Variants in BAHCC1 observed in about 807,000 individuals in gnomAD.
BAHCC1 encodes BAH and coiled-coil domain-containing protein 1.
A neutral mutation model predicts 88.2 loss-of-function variants in BAHCC1; 43 were observed. That is an observed-to-expected ratio of 0.49 (90% CI 0.38 to 0.63). The LOEUF is 0.63. Ranked by LOEUF, BAHCC1 falls within the 20% of genes least tolerant of loss-of-function variation. The probability of loss-of-function intolerance (pLI) is 0.00; values close to 1 mark genes in which losing one functional copy is unlikely to be tolerated. For missense variants in BAHCC1, 3,023 were observed against 1,654.8 expected (o/e 1.83, Z -14.34); for synonymous variants, 1,510 against 745.5 (o/e 2.03, Z -16.71).
chr17:81,420,888 G>A (rs1384695174), intron 2 of BAHCC1, among the ~76,000 whole-genome samples: 1 of 152,262 alleles, frequency 6.6e-6, no homozygotes, highest in African/African-American at 2.4e-5. Context: ...CTCTGTGTGG[G>A]GCCAGGGTGC....
intron 3 of BAHCC1, among the ~76,000 whole-genome samples, chr17:81,432,586 T>TC (rs2064275498): frequency 5.9e-5 from 1 of 17,000 alleles, no homozygotes; most frequent in Admixed American, 5.4e-4. Context: ...CACCCTCCCC[T>TC]CCAGCCCTGG....
chr17:81,416,670 G>C (rs1325566994), intron 2 of BAHCC1, among the ~76,000 whole-genome samples: 1 of 152,214 alleles, frequency 6.6e-6, no homozygotes, highest in Non-Finnish European at 1.5e-5. Flanking sequence ...GGATGGGTGA[G>C]CACACAGGAG....
rs1240269422 is a variant in BAHCC1, at chr17:81,441,970, C to A, written c.621C>A (p.Ser207=). Residue 207 remains serine (S), a synonymous_variant, in exon 5 of 28, where the codon TCC becomes TCA. Transcript: ENST00000675386. Reference sequence around the variant, plus strand: ...ATCGAGACCGGGGTGAGGCAGGCTCCCTGCAGAAGGGCCCCAAGGACTTCG... The same window carrying A: ...ATCGAGACCGGGGTGAGGCAGGCTCACTGCAGAAGGGCCCCAAGGACTTCG... The part of the protein sequence containing the change: ...SRDRDRGEAG[S]LQKGPKDFDR... The A allele has an allele frequency of 1.3e-6, 1 of 752,170 alleles. No individual in the cohort carries two copies. The highest frequency in any genetic ancestry group is 2.5e-6 in the Non-Finnish European group (1 of 399,192). The allele number at this position is 752,170 out of a possible 1,614,324, so 46.6% of individuals were successfully genotyped here. A position where few individuals can be genotyped will look rare whatever the true frequency, so the allele number is the denominator to read the frequency against.
rs2064214798 is a variant in BAHCC1, at chr17:81,427,550, C to G, written c.358+571C>G. On this transcript the variant is annotated intron_variant, in intron 3 of 27. Coordinates refer to ENST00000675386, the MANE Select transcript of BAHCC1 (RefSeq NM_001377448.1). ...CAGGCTGCCTGGCCAGCAGGAGACT[C>G]CTGGAGGCCCCCCTGGCCTTTCCGT... is the stretch of plus-strand genomic sequence containing the variant. Among the ~76,000 whole-genome samples the G allele has an allele frequency of 2.0e-5, 3 of 152,178 alleles. No individual in the cohort carries two copies. In the South Asian group the frequency reaches 6.2e-4, roughly 31 times the overall value.
At chr17:81,403,835 G>T (rs781095783) in intron 2 of BAHCC1, among the ~76,000 whole-genome samples, 11 of 152,140 alleles carry the variant, frequency 7.2e-5, no homozygotes, top group Non-Finnish European at 1.2e-4. Context: ...CGCGTGGACC[G>T]GCGGCGGTGG....
chr17:81,445,313 G>A (rs1555654005), intron 9 of BAHCC1, 41 bp from the exon 10 acceptor site: 2 of 746,076 alleles, frequency 2.7e-6, no homozygotes, highest in South Asian at 2.9e-5. Flanking sequence ...CTGGGGTCAG[G>A]GGATCCTGAG....
chr17:81,415,604 C>T (rs2064010490), intron 2 of BAHCC1: 2 of 507,160 alleles, frequency 3.9e-6, no homozygotes, highest in Non-Finnish European at 7.9e-6. Flanking sequence ...ACAGCCTGAG[C>T]CAACCTCGTT....
At chr17:81,440,798 C>T (rs2064401150) in intron 4 of BAHCC1, among the ~76,000 whole-genome samples, 1 of 152,148 alleles carries the variant, frequency 6.6e-6, no homozygotes, top group Admixed American at 6.5e-5. Context: ...TGCTCTCTGC[C>T]CCCGGAGCCA....
intron 10 of BAHCC1, 159 bp from the exon 11 acceptor site, chr17:81,446,877 C>T (rs899387015): frequency 9.0e-6 from 6 of 668,940 alleles, no homozygotes; most frequent in Admixed American, 2.1e-5. Context: ...ATTAACGTAA[C>T]CCTTTCCCCG....
At chr17:81,397,219 G>A (rs1479326763) in intron 1 of BAHCC1, 1 of 152,150 alleles carries the variant, frequency 6.6e-6, no homozygotes, top group Non-Finnish European at 1.5e-5. Context: ...GCAGGCGACA[G>A]TAATCCACCT....
At position 81,444,386 on chromosome 17, in the gene BAHCC1, G is replaced by A. The variant is rs868925903; in HGVS notation, c.2330G>A (p.Ser777Asn). 2.7e-6 allele frequency: 2 copies of A among 738,084 alleles called. No individual in the cohort carries two copies. The highest frequency in any genetic ancestry group is 5.2e-5 in the East Asian group (2 of 38,638). 45.7% of individuals were successfully genotyped at this position (738,084 alleles called of 1,614,324 possible). Residue 777 changes from serine (S) to asparagine (N), a missense_variant, in exon 7 of 28, where the codon AGC becomes AAC. Coordinates refer to ENST00000675386, the MANE Select transcript of BAHCC1 (RefSeq NM_001377448.1). The part of the protein sequence containing the change: ...LASRELLLQD[S>N]KDRVEFARIH... ...CTGAGCCCCAGGTCTTACAGGGACA[G>A]CAAAGACCGCGTAGAGTTCGCCCGG... is the stretch of plus-strand genomic sequence containing the variant.
chr17:81,397,934 C>A (rs553636220), intron 1 of BAHCC1, among the ~76,000 whole-genome samples: 1 of 152,234 alleles, frequency 6.6e-6, no homozygotes, highest in African/African-American at 2.4e-5. Flanking sequence ...TCACTTAATA[C>A]ATTATGTTTT....
At position 81,440,421 on chromosome 17, in the gene BAHCC1, C is replaced by T. The variant is rs578068653; in HGVS notation, c.482-1410C>T. 5.3e-5 allele frequency among the ~76,000 whole-genome samples: 8 copies of T among 152,362 alleles called. No individual in the cohort carries two copies. The East Asian group carries it at 5.8e-4, about 11-fold the overall frequency. On this transcript the variant is annotated intron_variant, in intron 4 of 27. Coordinates refer to ENST00000675386, the MANE Select transcript of BAHCC1 (RefSeq NM_001377448.1). ...GGTTTCGCTGGGGCTAGCCCCTTCC[C>T]GCTCCCCTTCCCCCTTGTTTCTAAT...
intron 2 of BAHCC1, among the ~76,000 whole-genome samples, chr17:81,414,986 GC>G (rs1568000151): frequency 6.6e-6 from 1 of 152,172 alleles, no homozygotes; most frequent in African/African-American, 2.4e-5. Context: ...GCTGTTACCC[GC>G]CCCGGCGTAC....
rs2064320772 is a variant in BAHCC1 at position 81,435,325 on chromosome 17, G to C, written c.359-3045G>C. 1 of 413,068 alleles carries C rather than the reference G, an allele frequency of 2.4e-6. No individual in the cohort carries two copies. Among genetic ancestry groups the C allele is most frequent in the Non-Finnish European group, 4.9e-6 (1 of 202,966 alleles). 25.6% of individuals were successfully genotyped at this position (413,068 alleles called of 1,614,324 possible). A position where few individuals can be genotyped will look rare whatever the true frequency, so the allele number is the denominator to read the frequency against. On this transcript the variant is annotated intron_variant, in intron 3 of 27. Transcript: ENST00000675386. This position sits in a 1 kb window ranked among gnomAD's most constrained non-coding sequence, Gnocchi z 4.4. ...TTTGAGCCTCTGTCTCCTGCAGTCT[G>C]TCCCATCACAGGACTGAGTTTGGAG...
In BAHCC1 at chr17:81,444,761, A is replaced by C. The variant is rs782617250; in HGVS notation, c.2606A>C (p.Asp869Ala). ...CCCTCTGTCTTCCCCCTCCCACAGGACGCCCCCACACAGCTGGTCATCCTG... is the reference window on the plus strand; with the variant it reads ...CCCTCTGTCTTCCCCCTCCCACAGGCCGCCCCCACACAGCTGGTCATCCTG... Reference protein sequence around the residue: ...PVPSVFPLPQDAPTQLVILPS... With the variant: ...PVPSVFPLPQAAPTQLVILPS... The change falls in exon 8 of 28, where the codon GAC (aspartate) becomes GCC (alanine). Residue 869 changes from aspartate to alanine, a missense_variant. Transcript: ENST00000675386. 1.3e-6 allele frequency: 1 copy of C among 778,286 alleles called. No homozygotes were observed. The highest frequency in any genetic ancestry group is 1.3e-5 in the South Asian group (1 of 74,550). 48.2% of individuals were successfully genotyped at this position (778,286 alleles called of 1,614,324 possible). A position where few individuals can be genotyped will look rare whatever the true frequency, so the allele number is the denominator to read the frequency against.
At position 81,463,634 on chromosome 17, in the gene BAHCC1, C is replaced by G; in HGVS notation, c.7644C>G (p.His2548Gln). ...AGAATGCGCTGTACCAGTCCTGCCACGAGGATGAGAACGACGTGCAGACCA... is the reference window on the plus strand; with the variant it reads ...AGAATGCGCTGTACCAGTCCTGCCAGGAGGATGAGAACGACGTGCAGACCA... ...DGKNALYQSC[H>Q]EDENDVQTIS... The change falls in exon 28 of 28, where the codon CAC becomes CAG. Residue 2548 changes from histidine to glutamine, a missense_variant. By Grantham distance (24) the His-to-Gln change is conservative. Transcript: ENST00000675386. 1 of 779,662 alleles carries G rather than the reference C, an allele frequency of 1.3e-6. No individual in the cohort carries two copies. The highest frequency in any genetic ancestry group is 2.4e-6 in the Non-Finnish European group (1 of 417,892). The allele number at this position is 779,662 out of a possible 1,614,324, so 48.3% of individuals were successfully genotyped here. A position where few individuals can be genotyped will look rare whatever the true frequency, so the allele number is the denominator to read the frequency against.
At chr17:81,396,327 C>G (rs1471814817) in intron 1 of BAHCC1, 5 of 152,128 alleles carry the variant, frequency 3.3e-5, no homozygotes, top group Admixed American at 6.5e-5. Context: ...GGGGACCGAG[C>G]AAGGCCGGCG....
chr17:81,414,105 C>T (rs1305399785), intron 2 of BAHCC1, among the ~76,000 whole-genome samples: 2 of 152,202 alleles, frequency 1.3e-5, no homozygotes, highest in Non-Finnish European at 2.9e-5. Context: ...AGCCCTGACC[C>T]GTGCCAAGGA....
Sources: allele counts gnomAD v4.1 joint callset (sites outside exome capture counted in the v4.1 genomes callset), GRCh38; gene constraint gnomAD v4.1.1; non-coding constraint Gnocchi (gnomAD v3.1); transcripts MANE v1.5; gene names NCBI Gene and HGNC (gene_info 2026-07-23, HGNC 2026-07-21).